Variants in MPPED1 observed in about 807,000 individuals in gnomAD.
MPPED1 encodes metallophosphoesterase domain containing 1.
MPPED1 carries 16 observed loss-of-function variants against 36.2 expected under a neutral mutation model. The observed-to-expected ratio is 0.44, with a 90% confidence interval of 0.30 to 0.67. The LOEUF is 0.67. MPPED1 is among the 30% of genes least tolerant of loss of function. The pLI is 0.10. For synonymous variants in MPPED1, 199 were observed against 191.3 expected, an observed-to-expected ratio of 1.04 and a Z score of -0.33; for missense variants, 307 against 453.4, an observed-to-expected ratio of 0.68 and a Z score of 2.93.
rs578060021 is a variant in MPPED1 at position 43,492,166 on chromosome 22, C to G, written c.633-6069C>G. ...GTTTTAAGTACTTTACATGGATTAA[C>G]TGATTTAGTCATTTCAACAGCCGTA... is the stretch of plus-strand genomic sequence containing the variant. On this transcript the variant is annotated intron_variant, in intron 4 of 6. Coordinates refer to ENST00000443721, the MANE Select transcript of MPPED1 (RefSeq NM_001044370.2). Among the ~76,000 whole-genome samples the G allele has an allele frequency of 7.9e-5, 12 of 152,150 alleles. No individual in the cohort carries two copies. In the South Asian group the frequency reaches 2.5e-3, roughly 32 times the overall value.
At chr22:43,478,980 G>A (rs1294504527) in intron 4 of MPPED1, among the ~76,000 whole-genome samples, 1 of 152,162 alleles carries the variant, frequency 6.6e-6, no homozygotes, top group East Asian at 1.9e-4. Context: ...ACAATTGGAA[G>A]TGGCATTAAC....
intron 3 of MPPED1, among the ~76,000 whole-genome samples, chr22:43,469,553 G>A (rs377061918): frequency 3.1e-5 from 2 of 65,458 alleles, no homozygotes; most frequent in African/African-American, 1.1e-4. Context: ...CTAGAACAGA[G>A]GAGGAGACTC....
chr22:43,486,422 A>C (rs112456964), intron 4 of MPPED1, among the ~76,000 whole-genome samples: 8,979 of 152,028 alleles, frequency 0.059, 709 homozygotes, highest in African/African-American at 0.18. Context: ...CAGGACAGAG[A>C]GTGCTTGGCC....
Position 43,502,542 on chromosome 22 carries a change from G to GC in MPPED1, c.749-98dup. The GC allele has an allele frequency of 1.2e-6, 1 of 868,896 alleles. No individual in the cohort carries two copies. The highest frequency in any genetic ancestry group is 3.1e-4 in the Middle Eastern group (1 of 3,234). The allele number at this position is 868,896 out of a possible 1,614,324, so 53.8% of individuals were successfully genotyped here. A position where few individuals can be genotyped will look rare whatever the true frequency, so the allele number is the denominator to read the frequency against. On this transcript the variant is annotated intron_variant, in intron 5 of 6. Transcript: ENST00000443721. The surrounding 1 kb of genome is among the most constrained non-coding windows in gnomAD (Gnocchi z 5.5). ...AGTGGTGCAAAGCCGGAGTCCGGAA[G>GC]CCCCATGCCTTCTCCAGGCTGCAGA...
intron 3 of MPPED1, among the ~76,000 whole-genome samples, chr22:43,446,440 C>T (rs1930349701): frequency 6.6e-6 from 1 of 152,104 alleles, no homozygotes; most frequent in Non-Finnish European, 1.5e-5. Context: ...TGGGGAAGGG[C>T]CGGACCCTCT....
rs182742610 is a variant in MPPED1, at chr22:43,490,396, G to A, written c.633-7839G>A. Among the ~76,000 whole-genome samples the A allele has an allele frequency of 3.1e-4, 47 of 152,274 alleles. No individual in the cohort carries two copies. The East Asian group carries it at 5.6e-3, about 18-fold the overall frequency. ...AACCTCTCTGGGCATTGGGGTGGGG[G>A]AACAGGGCAGATTCCGGCTCCCCAA... On this transcript the variant is annotated intron_variant, in intron 4 of 6. Coordinates refer to ENST00000443721, the MANE Select transcript of MPPED1 (RefSeq NM_001044370.2).
intron 2 of MPPED1, among the ~76,000 whole-genome samples, chr22:43,429,674 C>T (rs1269909705): frequency 1.3e-5 from 2 of 152,238 alleles, no homozygotes; most frequent in East Asian, 3.9e-4. Context: ...AAGCATCTCT[C>T]CCCTCCACAA....
In MPPED1 at chr22:43,501,177, G is replaced by A. The variant is rs114347744; in HGVS notation, c.749-1467G>A. On this transcript the variant is annotated intron_variant, in intron 5 of 6. Coordinates refer to ENST00000443721, the MANE Select transcript of MPPED1 (RefSeq NM_001044370.2). ...TAAGCAGCACAGAGAGGTTGTAGCCGGGTTTGTTTCACCCCCACCTGAAGC... is the reference window on the plus strand; with the variant it reads ...TAAGCAGCACAGAGAGGTTGTAGCCAGGTTTGTTTCACCCCCACCTGAAGC... Among the ~76,000 whole-genome samples, 355 of 152,278 alleles carry A rather than the reference G, an allele frequency of 2.3e-3. 2 individuals are homozygous for A. Among genetic ancestry groups the A allele is most frequent in the African/African-American group, 8.3e-3 (343 of 41,554 alleles).
intron 1 of MPPED1, among the ~76,000 whole-genome samples, chr22:43,423,762 G>C (rs964050683): frequency 2.6e-5 from 4 of 152,168 alleles, no homozygotes; most frequent in African/African-American, 9.7e-5. Context: ...ATGTGATTGC[G>C]ATATGAGTGT....
chr22:43,473,651 G>T (rs2146883569), intron 3 of MPPED1, among the ~76,000 whole-genome samples: 1 of 152,302 alleles, frequency 6.6e-6, no homozygotes, highest in South Asian at 2.1e-4. Context: ...TGAGGCTGGT[G>T]GGGAGTGGGG....
At chr22:43,473,454 C>T (rs531002498) in intron 3 of MPPED1, among the ~76,000 whole-genome samples, 3 of 152,342 alleles carry the variant, frequency 2.0e-5, no homozygotes, top group African/African-American at 7.2e-5. Flanking sequence ...GGTCCCCATC[C>T]ACCCCGAGGC....
chr22:43,427,877 G>A (rs559335807), intron 2 of MPPED1, among the ~76,000 whole-genome samples: 1 of 152,248 alleles, frequency 6.6e-6, no homozygotes, highest in East Asian at 1.9e-4. Flanking sequence ...CGTGACACTA[G>A]TCCATGCATT....
intron 2 of MPPED1, among the ~76,000 whole-genome samples, chr22:43,434,709 A>T (rs1156868673): frequency 6.6e-6 from 1 of 152,198 alleles, no homozygotes; most frequent in Admixed American, 6.5e-5. Context: ...GCTGTGCAGC[A>T]CCTCAGCTCG....
chr22:43,412,862 G>C (rs1928954264), intron 1 of MPPED1, among the ~76,000 whole-genome samples: 1 of 152,226 alleles, frequency 6.6e-6, no homozygotes, highest in African/African-American at 2.4e-5. Flanking sequence ...GACATGTTAC[G>C]GGAGCGTGAA....
chr22:43,478,957 T>G (rs1314001648), intron 4 of MPPED1, among the ~76,000 whole-genome samples: 2 of 152,120 alleles, frequency 1.3e-5, no homozygotes, highest in Non-Finnish European at 2.9e-5. Flanking sequence ...CCCCAGGTGA[T>G]GCTAGAAGCT....
At chr22:43,475,504 T>TGGTGATG (rs1245631867) in intron 4 of MPPED1, among the ~76,000 whole-genome samples, 4 of 137,372 alleles carry the variant, frequency 2.9e-5, no homozygotes, top group Admixed American at 7.3e-5. Flanking sequence ...GTGGTGATGA[T>TGGTGATG]CATCATGATG....
At chr22:43,420,794 C>G (rs1366052559) in intron 1 of MPPED1, among the ~76,000 whole-genome samples, 1 of 152,194 alleles carries the variant, frequency 6.6e-6, no homozygotes, top group Non-Finnish European at 1.5e-5. Context: ...AGTGTCTTTT[C>G]TGTTTAATTC....
intron 3 of MPPED1, among the ~76,000 whole-genome samples, chr22:43,450,781 C>T (rs1439851779): frequency 6.6e-6 from 1 of 151,980 alleles, no homozygotes; most frequent in Non-Finnish European, 1.5e-5. Context: ...GGCTGGAGTG[C>T]AATGGTGCCA....
chr22:43,432,218 G>C lies in MPPED1; in HGVS notation c.225-2816G>C, dbSNP rs1043770411. Among the ~76,000 whole-genome samples, 207 of 29,394 alleles carry C rather than the reference G, an allele frequency of 7.0e-3. 2 individuals are homozygous for C. Among genetic ancestry groups the C allele is most frequent in the African/African-American group, 0.015 (189 of 12,578 alleles). The allele number at this position is 29,394 out of a possible 152,430, so 19.3% of individuals were successfully genotyped here. A position where few individuals can be genotyped will look rare whatever the true frequency, so the allele number is the denominator to read the frequency against. On this transcript the variant is annotated intron_variant, in intron 2 of 6. Coordinates refer to ENST00000443721, the MANE Select transcript of MPPED1 (RefSeq NM_001044370.2). ...TCAGAGGCACACAGAGAGAGAGAGA[G>C]AGACACAGAGAGAAAGAAAGGGAAG...
Sources: gnomAD v4.1 joint callset for allele counts (sites outside exome capture counted in the v4.1 genomes callset) on GRCh38, gnomAD v4.1.1 for gene constraint, Gnocchi (gnomAD v3.1) non-coding constraint, MANE v1.5 for transcripts, NCBI Gene and HGNC (gene_info 2026-07-23, HGNC 2026-07-21) for gene names.